Variants in ROBO2 observed in about 807,000 individuals in gnomAD.
ROBO2 encodes the protein roundabout guidance receptor 2.
In ROBO2, 53 loss-of-function variants were observed where a neutral mutation model predicts 160.8. That is an observed-to-expected ratio of 0.33 (90% CI 0.26 to 0.41). The LOEUF (loss-of-function observed/expected upper bound fraction) is 0.41. ROBO2 is among the 10% of genes least tolerant of loss of function. The pLI, the probability that ROBO2 is intolerant of heterozygous loss-of-function variation, is 1.00. For synonymous variants in ROBO2, 664 were observed against 611.7 expected (o/e 1.09, Z -1.26); for missense variants, 1,577 against 1,722.4 (o/e 0.92, Z 1.49).
chr3:76,894,794 T>G (rs1464308967), intron 2 of ROBO2, among the ~76,000 whole-genome samples: 4 of 152,160 alleles, frequency 2.6e-5, no homozygotes, highest in Non-Finnish European at 5.9e-5. Context: ...CTAACTTTAG[T>G]CACTTTTTTT....
intron 2 of ROBO2, among the ~76,000 whole-genome samples, chr3:76,982,428 T>C (rs994548431): frequency 6.6e-6 from 1 of 152,230 alleles, no homozygotes; most frequent in Non-Finnish European, 1.5e-5. Context: ...TCCATTGATC[T>C]GCAATTTTAT....
At chr3:76,423,255 C>T (rs777738146) in intron 2 of ROBO2, among the ~76,000 whole-genome samples, 2 of 152,190 alleles carry the variant, frequency 1.3e-5, no homozygotes, top group Non-Finnish European at 2.9e-5. Context: ...AGACACAGAA[C>T]TGCTGAGAAG....
intron 2 of ROBO2, among the ~76,000 whole-genome samples, chr3:77,197,051 C>T (rs1012393826): frequency 2.6e-5 from 4 of 151,800 alleles, no homozygotes; most frequent in African/African-American, 9.7e-5. Flanking sequence ...ATTGTTCAAG[C>T]AGTCCTAATG....
intron 2 of ROBO2, among the ~76,000 whole-genome samples, chr3:76,515,536 G>T: frequency 6.6e-6 from 1 of 151,366 alleles, no homozygotes. Flanking sequence ...ACTCAGGTAT[G>T]TTGAATTCAT....
intron 2 of ROBO2, among the ~76,000 whole-genome samples, chr3:77,294,579 A>G (rs57688424): frequency 0.34 from 45,902 of 136,844 alleles, 8,927 homozygotes; most frequent in Middle Eastern, 0.5. Flanking sequence ...ACGGTTAAAC[A>G]GGTAAGCTGA....
intron 2 of ROBO2, among the ~76,000 whole-genome samples, chr3:76,694,620 T>C (rs1403241532): frequency 6.6e-6 from 1 of 152,068 alleles, no homozygotes; most frequent in Non-Finnish European, 1.5e-5. Context: ...AGCGTTCCTA[T>C]CTTGTAAAAA....
intron 2 of ROBO2, among the ~76,000 whole-genome samples, chr3:77,193,226 A>G (rs1560203504): frequency 6.6e-6 from 1 of 151,884 alleles, no homozygotes; most frequent in East Asian, 1.9e-4. Context: ...ATTACATGGA[A>G]GGGATTCTTG....
At chr3:76,925,772 G>A (rs2076954655) in intron 2 of ROBO2, among the ~76,000 whole-genome samples, 1 of 152,066 alleles carries the variant, frequency 6.6e-6, no homozygotes, top group Non-Finnish European at 1.5e-5. Flanking sequence ...ACAAAAATCT[G>A]GTGACCGAAA....
intron 6 of ROBO2, chr3:77,538,917 T>A (rs1342005101): frequency 2.2e-6 from 1 of 462,576 alleles, no homozygotes; most frequent in Non-Finnish European, 4.3e-6. Flanking sequence ...CTTTTTAATT[T>A]TTTTTCTTCT....
At chr3:76,730,122 C>G (rs115834795) in intron 2 of ROBO2, among the ~76,000 whole-genome samples, 1 of 152,060 alleles carries the variant, frequency 6.6e-6, no homozygotes, top group Non-Finnish European at 1.5e-5. Flanking sequence ...CTATTTCTTA[C>G]TGTCCTTCAC....
chr3:77,632,748 C>G (rs2095191646), intron 23 of ROBO2: 1 of 1,164,294 alleles, frequency 8.6e-7, no homozygotes, highest in African/African-American at 1.5e-5. Context: ...CTTAGTGAGT[C>G]TGACTGTAGG....
intron 2 of ROBO2, among the ~76,000 whole-genome samples, chr3:77,454,219 G>T (rs1202471060): frequency 6.6e-6 from 1 of 151,120 alleles, no homozygotes; most frequent in African/African-American, 2.4e-5. Flanking sequence ...TATTTTAATG[G>T]TTACTGTTGT....
At chr3:76,207,125 CT>C (rs1242937092) in intron 2 of ROBO2, among the ~76,000 whole-genome samples, 1 of 152,062 alleles carries the variant, frequency 6.6e-6, no homozygotes, top group African/African-American at 2.4e-5. Context: ...TTAGACAAGG[CT>C]TTAAACCAGT....
At chr3:77,620,407 A>T (rs2094877170) in intron 22 of ROBO2, among the ~76,000 whole-genome samples, 2 of 152,182 alleles carry the variant, frequency 1.3e-5, no homozygotes, top group Admixed American at 6.5e-5. Flanking sequence ...ATAGGAGTAC[A>T]TTTTTTATTC....
chr3:77,365,040 G>A (rs531948633), intron 2 of ROBO2, among the ~76,000 whole-genome samples: 1 of 151,730 alleles, frequency 6.6e-6, no homozygotes, highest in Non-Finnish European at 1.5e-5. Context: ...AGCTACTCAG[G>A]AGGCTGAGGC....
chr3:76,903,856 AG>A (rs1179627966), intron 2 of ROBO2, among the ~76,000 whole-genome samples: 1 of 152,168 alleles, frequency 6.6e-6, no homozygotes, highest in African/African-American at 2.4e-5. Flanking sequence ...AAACTGAAAC[AG>A]GGTCTGAGTT....
Position 76,039,002 on chromosome 3 carries a change from T to C in ROBO2, c.109+101400T>C, listed in dbSNP as rs538885651. Among the ~76,000 whole-genome samples, 17 of 152,070 alleles carry C rather than the reference T, an allele frequency of 1.1e-4. No individual in the cohort carries two copies. In the East Asian group the frequency reaches 3.3e-3, roughly 29 times the overall value. On this transcript the variant is annotated intron_variant, in intron 2 of 26. Coordinates refer to the ROBO2 transcript ENST00000487694. ...AGAGAGGGAGACTTAGGATTGGTAA[T>C]GTTGACAATCTTACTGAAGAGTTTA...
chr3:77,105,697 T>C (rs2150134813), intron 2 of ROBO2, among the ~76,000 whole-genome samples: 1 of 152,338 alleles, frequency 6.6e-6, no homozygotes, highest in East Asian at 1.9e-4. Context: ...TTGAATTAAC[T>C]GTATTCAAAC....
intron 1 of ROBO2, among the ~76,000 whole-genome samples, chr3:77,046,232 T>G (rs936662822): frequency 6.6e-6 from 1 of 152,216 alleles, no homozygotes; most frequent in Non-Finnish European, 1.5e-5. Flanking sequence ...AGTAGATATT[T>G]TCTTTTAATT....
Sources: allele counts gnomAD v4.1 joint callset (sites outside exome capture counted in the v4.1 genomes callset), GRCh38; gene constraint gnomAD v4.1.1; transcripts MANE v1.5; gene names NCBI Gene and HGNC (gene_info 2026-07-23, HGNC 2026-07-21).